HPSE2: variants seen among roughly 807,000 people sequenced by gnomAD.
HPSE2 encodes the protein inactive heparanase-2.
A neutral mutation model predicts 60.5 loss-of-function variants in HPSE2; 38 were observed. The ratio of observed to expected loss-of-function variants is 0.63; its 90% CI spans 0.48 to 0.82. The LOEUF (loss-of-function observed/expected upper bound fraction) is 0.82, where lower values mean the gene tolerates loss of function less well. Ranked by LOEUF, HPSE2 falls within the 40% of genes least tolerant of loss-of-function variation. The pLI is 0.00. For missense variants in HPSE2, 713 were observed against 740.4 expected (o/e 0.96, Z 0.43); for synonymous variants, 295 against 293.2 (o/e 1.01, Z -0.06).
chr10:99,082,906 A>T (rs998515861), intron 3 of HPSE2, among the ~76,000 whole-genome samples: 1 of 152,220 alleles, frequency 6.6e-6, no homozygotes, highest in Middle Eastern at 3.2e-3. Flanking sequence ...GTAGCAAAAC[A>T]AATAAAGATG....
At chr10:99,299,574 C>T in the HPSE2 span, among the ~76,000 whole-genome samples, 1 of 152,132 alleles carries the variant, frequency 6.6e-6, no homozygotes, top group Non-Finnish European at 1.5e-5. Flanking sequence ...TGCTCATGAA[C>T]ATGCAGATGG....
chr10:98,977,181 T>A (rs1204304304), intron 3 of HPSE2, among the ~76,000 whole-genome samples: 1 of 152,220 alleles, frequency 6.6e-6, no homozygotes, highest in Non-Finnish European at 1.5e-5. Flanking sequence ...ATCCATTTGC[T>A]ATCTGTGATA....
chr10:98,711,415 T>C (rs1224216695), intron 5 of HPSE2, among the ~76,000 whole-genome samples: 4 of 152,174 alleles, frequency 2.6e-5, no homozygotes, highest in Non-Finnish European at 5.9e-5. Flanking sequence ...GTATTTTATT[T>C]TGTATGCTAG....
the HPSE2 span, among the ~76,000 whole-genome samples, chr10:99,300,755 T>A: frequency 6.6e-6 from 1 of 152,190 alleles, no homozygotes; most frequent in African/African-American, 2.4e-5. Context: ...ACCCCTCTGT[T>A]TGGGACACAG....
chr10:98,635,371 C>T (rs1946469572), intron 7 of HPSE2, among the ~76,000 whole-genome samples: 1 of 152,154 alleles, frequency 6.6e-6, no homozygotes, highest in African/African-American at 2.4e-5. Flanking sequence ...CCAGTAATCC[C>T]AGTACAGGGT....
At chr10:99,224,420 G>GACACAC (rs34148639) in intron 2 of HPSE2, among the ~76,000 whole-genome samples, 2,844 of 143,654 alleles carry the variant, frequency 0.02, 84 homozygotes, top group African/African-American at 0.067. Context: ...CTTTCTCTCT[G>GACACAC]ACACACACAC....
At chr10:99,086,339 GTACT>G (rs1173765310) in intron 3 of HPSE2, among the ~76,000 whole-genome samples, 6 of 140,662 alleles carry the variant, frequency 4.3e-5, no homozygotes, top group African/African-American at 1.5e-4. Flanking sequence ...ATACGGAAAA[GTACT>G]TTCTTTTTTT....
intron 3 of HPSE2, among the ~76,000 whole-genome samples, chr10:98,987,420 G>A (rs1451766404): frequency 2.0e-5 from 3 of 152,166 alleles, no homozygotes; most frequent in African/African-American, 4.8e-5. Context: ...AATAGATGCA[G>A]AAAAGGCCTT....
At chr10:98,898,602 A>AT (rs1030852244) in intron 3 of HPSE2, among the ~76,000 whole-genome samples, 6 of 151,924 alleles carry the variant, frequency 3.9e-5, no homozygotes, top group African/African-American at 9.7e-5. Context: ...GACAGTAGAG[A>AT]TTTTTTTTAG....
chr10:98,910,660 TCA>T (rs1420880148), intron 3 of HPSE2, among the ~76,000 whole-genome samples: 8 of 152,200 alleles, frequency 5.3e-5, no homozygotes, highest in African/African-American at 1.9e-4. Context: ...CAGTAATCTC[TCA>T]GTGTCAACGT....
intron 3 of HPSE2, among the ~76,000 whole-genome samples, chr10:99,071,405 A>C (rs1275040303): frequency 6.6e-6 from 1 of 152,164 alleles, no homozygotes; most frequent in African/African-American, 2.4e-5. Context: ...CATATCTTTC[A>C]TAGTGACTGC....
intron 6 of HPSE2, among the ~76,000 whole-genome samples, chr10:98,679,348 T>G (rs1409048689): frequency 6.6e-6 from 1 of 152,216 alleles, no homozygotes; most frequent in Non-Finnish European, 1.5e-5. Flanking sequence ...CAAGACATTA[T>G]TTGCCTTTTT....
intron 3 of HPSE2, among the ~76,000 whole-genome samples, chr10:98,869,843 T>C (rs561210279): frequency 6.6e-6 from 1 of 152,288 alleles, no homozygotes; most frequent in South Asian, 2.1e-4. Flanking sequence ...TTGAGAGGCA[T>C]ACTGTCAAAG....
At chr10:99,047,735 C>T in intron 3 of HPSE2, 1 of 852,384 alleles carries the variant, frequency 1.2e-6, no homozygotes, top group Non-Finnish European at 2.0e-6. Context: ...GATCAAGTGC[C>T]TGAGAAAGAA....
At chr10:98,953,245 G>GCC (rs1372373340) in intron 3 of HPSE2, among the ~76,000 whole-genome samples, 2 of 152,228 alleles carry the variant, frequency 1.3e-5, no homozygotes, top group African/African-American at 4.8e-5. Flanking sequence ...AGAGCTGTAA[G>GCC]TCATTTGGTG....
chr10:98,853,221 T>A (rs1029002535), intron 3 of HPSE2, among the ~76,000 whole-genome samples: 1 of 152,216 alleles, frequency 6.6e-6, no homozygotes, highest in Admixed American at 6.5e-5. Flanking sequence ...CAACTTCCAC[T>A]AAAAATTTCC....
chr10:98,710,859 C>A (rs1399859863), intron 5 of HPSE2, among the ~76,000 whole-genome samples: 4 of 152,032 alleles, frequency 2.6e-5, no homozygotes, highest in Admixed American at 2.0e-4. Context: ...CCTCATTTAT[C>A]TCACAATTGG....
intron 3 of HPSE2, among the ~76,000 whole-genome samples, chr10:98,746,957 G>A (rs537937918): frequency 2.8e-4 from 42 of 151,904 alleles, no homozygotes; most frequent in African/African-American, 9.2e-4. Context: ...CAGAACACTG[G>A]CAATATTGGA....
chr10:99,173,541 G>A (rs916352717), intron 2 of HPSE2, among the ~76,000 whole-genome samples: 2 of 151,866 alleles, frequency 1.3e-5, no homozygotes. Context: ...AGGAACTTTA[G>A]TAAATTTTAT....
Sources: allele counts gnomAD v4.1 joint callset (sites outside exome capture counted in the v4.1 genomes callset), GRCh38; gene constraint gnomAD v4.1.1; transcripts MANE v1.5; gene names NCBI Gene and HGNC (gene_info 2026-07-23, HGNC 2026-07-21).